HIBCH: variants seen among roughly 807,000 people sequenced by gnomAD.
HIBCH encodes 3-hydroxyisobutyryl-CoA hydrolase, mitochondrial.
A neutral mutation model predicts 58.2 loss-of-function variants in HIBCH; 50 were observed. The observed-to-expected ratio is 0.86, with a 90% CI of 0.68 to 1.09. The LOEUF (loss-of-function observed/expected upper bound fraction) is 1.09, where lower values mean the gene tolerates loss of function less well. Among genes scored for constraint, HIBCH ranks in the 50% least tolerant of loss-of-function variants. HIBCH has a pLI of 0.00. For missense variants in HIBCH, 450 were observed against 449.7 expected (o/e 1.00, Z -0.01); for synonymous variants, 151 against 146.9 (o/e 1.03, Z -0.20).
rs7583250 is a variant in HIBCH at position 190,216,151 on chromosome 2, T to C, written c.892-3076A>G. ...GAGGAGGTGAGAGGATGTGGAGAGA[T>C]TGGCAGGGCTGGGGGAAGGTTCTAG... On this transcript the variant is annotated intron_variant, in intron 11 of 13. Coordinates refer to ENST00000359678, the MANE Select transcript of HIBCH (RefSeq NM_014362.4). The surrounding 1 kb of genome is among the most constrained non-coding windows in gnomAD (Gnocchi z 4.2). 45,261 of 152,046 alleles carry C rather than the reference T, an allele frequency of 0.3. 7,527 individuals are homozygous for C. Among genetic ancestry groups the C allele is most frequent in the East Asian group, 0.47 (2,406 of 5,122 alleles). The allele number at this position is 152,046 out of a possible 1,614,324, so 9.4% of individuals were successfully genotyped here. A position where few individuals can be genotyped will look rare whatever the true frequency, so the allele number is the denominator to read the frequency against.
chr2:190,227,416 A>C (rs1559020978), intron 11 of HIBCH, among the ~76,000 whole-genome samples: 2 of 152,202 alleles, frequency 1.3e-5, no homozygotes, highest in East Asian at 3.8e-4. Flanking sequence ...TACAAAAATT[A>C]ATTCAAGATG....
chr2:190,269,461 A>G (rs1406107798), intron 6 of HIBCH, among the ~76,000 whole-genome samples: 3 of 9,290 alleles, frequency 3.2e-4, no homozygotes, highest in African/African-American at 8.6e-4. Context: ...CAGTCAACAA[A>G]CATATGAAAA....
intron 1 of HIBCH, among the ~76,000 whole-genome samples, chr2:190,194,982 G>A (rs544402327): frequency 6.6e-6 from 1 of 152,180 alleles, no homozygotes; most frequent in South Asian, 2.1e-4. Context: ...GGCTTCCTGA[G>A]TAGTTAAAAC....
rs532528580 is a variant in HIBCH, at chr2:190,286,593, A to G, written c.438+993T>C. On this transcript the variant is annotated intron_variant, in intron 6 of 13. Coordinates refer to ENST00000359678, the MANE Select transcript of HIBCH (RefSeq NM_014362.4). Reference sequence around the variant, plus strand: ...TTTCCTGCCATGAAGACCAATTCTGACCCCTCACTTCTTCAAAGGCTAATC... The same window carrying G: ...TTTCCTGCCATGAAGACCAATTCTGGCCCCTCACTTCTTCAAAGGCTAATC... Among the ~76,000 whole-genome samples the G allele has an allele frequency of 1.6e-3, 243 of 152,108 alleles. 3 individuals carry two copies. Among genetic ancestry groups the G allele is most frequent in the Middle Eastern group, 0.014 (4 of 294 alleles).
At chr2:190,224,140 C>T (rs904379051) in intron 11 of HIBCH, among the ~76,000 whole-genome samples, 2 of 152,184 alleles carry the variant, frequency 1.3e-5, no homozygotes, top group Non-Finnish European at 2.9e-5. Context: ...CCCATGCCCA[C>T]GGAGCCTCAC....
chr2:190,200,109 G>A (rs1486801797), downstream of HIBCH: 2 of 1,614,056 alleles, frequency 1.2e-6, no homozygotes, highest in East Asian at 2.2e-5. Context: ...ATAACATCAA[G>A]TACCATGACA....
intron 1 of HIBCH, among the ~76,000 whole-genome samples, chr2:190,194,192 T>C (rs939101712): frequency 2.0e-5 from 3 of 152,190 alleles, no homozygotes; most frequent in African/African-American, 7.2e-5. Context: ...ATGTTCCATA[T>C]GCACTTGATA....
chr2:190,247,305 T>A (rs986656906), intron 9 of HIBCH, among the ~76,000 whole-genome samples: 7 of 152,202 alleles, frequency 4.6e-5, no homozygotes, highest in South Asian at 2.1e-4. Flanking sequence ...CTAACTCCTA[T>A]ACATTTAGTA....
intron 7 of HIBCH, chr2:190,260,280 G>A (rs1401530073): frequency 1.3e-5 from 2 of 152,024 alleles, no homozygotes; most frequent in Non-Finnish European, 2.9e-5. Flanking sequence ...TCTTTAGACT[G>A]GTAACTAACA....
At chr2:190,224,055 C>T (rs992255395) in intron 11 of HIBCH, among the ~76,000 whole-genome samples, 3 of 152,224 alleles carry the variant, frequency 2.0e-5, no homozygotes, top group African/African-American at 7.2e-5. Flanking sequence ...CACTCCCACC[C>T]TAACACTGCA....
At chr2:190,232,624 G>C (rs1030520868) in intron 11 of HIBCH, among the ~76,000 whole-genome samples, 3 of 152,196 alleles carry the variant, frequency 2.0e-5, no homozygotes, top group Non-Finnish European at 4.4e-5. Context: ...CGTTGGTGCA[G>C]AAGCAATTGT....
intron 6 of HIBCH, among the ~76,000 whole-genome samples, chr2:190,272,278 T>C (rs891431877): frequency 6.6e-6 from 1 of 152,200 alleles, no homozygotes; most frequent in Non-Finnish European, 1.5e-5. Context: ...ATCTGGCACA[T>C]CTAGACATCC....
At chr2:190,235,705 G>A (rs192236696) in intron 11 of HIBCH, among the ~76,000 whole-genome samples, 53 of 152,096 alleles carry the variant, frequency 3.5e-4, no homozygotes, top group African/African-American at 1.2e-3. Context: ...CTAAGTATGT[G>A]GTATTCTCTC....
At position 190,296,884 on chromosome 2, in the gene HIBCH, T is replaced by C. The variant is rs774606935; in HGVS notation, c.148A>G (p.Thr50Ala). ...TTGAGGAACTTTGGTCTGTTTAGTG[T>C]TATGACTCCCGTGCAACCTTTTTTT... The part of the protein sequence containing the change: ...LEKKGCTGVI[T>A]LNRPKFLNAL... Residue 50 changes from threonine (T) to alanine (A), a missense_variant, in exon 3 of 14, where the codon ACA (threonine) becomes GCA (alanine). By Grantham distance (58) the Thr-to-Ala change is moderately conservative. Coordinates refer to ENST00000359678, the MANE Select transcript of HIBCH (RefSeq NM_014362.4). 3.1e-6 allele frequency: 5 copies of C among 1,613,962 alleles called. No individual in the cohort carries two copies. In the South Asian group the frequency reaches 3.3e-5, roughly 11 times the overall value.
chr2:190,222,245 A>G (rs1158065267), intron 11 of HIBCH, among the ~76,000 whole-genome samples: 1 of 152,150 alleles, frequency 6.6e-6, no homozygotes, highest in East Asian at 1.9e-4. Flanking sequence ...TGAGGGGTGG[A>G]AAGTAGCAGG....
Position 190,296,895 on chromosome 2 carries a change from G to A in HIBCH, c.137C>T (p.Thr46Met), listed in dbSNP as rs201255292. ...EEVLLEKKGC[T>M]GVITLNRPKF... is the part of the protein sequence containing the mutation. ...TGGTCTGTTTAGTGTTATGACTCCC[G>A]TGCAACCTTTTTTTTCCAATAGCAC... is the stretch of plus-strand genomic sequence containing the variant. The change falls in exon 3 of 14, where the codon ACG (threonine) becomes ATG (methionine). Residue 46 changes from threonine (T) to methionine (M), a missense_variant. Transcript: ENST00000359678. The A allele has an allele frequency of 3.3e-5, 54 of 1,613,548 alleles. No homozygotes were observed. Among genetic ancestry groups the A allele is most frequent in the Non-Finnish European group, 4.0e-5 (47 of 1,179,628 alleles).
intron 8 of HIBCH, among the ~76,000 whole-genome samples, 189 bp downstream of exon 8, chr2:190,251,973 A>G (rs1275614665): frequency 6.6e-6 from 1 of 152,084 alleles, no homozygotes; most frequent in Non-Finnish European, 1.5e-5. Flanking sequence ...TCCAGTTTGC[A>G]TATGAGGAAA....
intron 5 of HIBCH, among the ~76,000 whole-genome samples, chr2:190,289,427 T>A (rs1411221489): frequency 6.6e-6 from 1 of 152,198 alleles, no homozygotes; most frequent in Non-Finnish European, 1.5e-5. Context: ...TTTTAGTTCA[T>A]AAATATTTAG....
chr2:190,274,736 A>T (rs1687500531), intron 6 of HIBCH, among the ~76,000 whole-genome samples: 1 of 152,224 alleles, frequency 6.6e-6, no homozygotes, highest in Admixed American at 6.5e-5. Flanking sequence ...CAGCTTACAT[A>T]GCAACTTCAA....
Sources: gnomAD v4.1 joint callset for allele counts (sites outside exome capture counted in the v4.1 genomes callset) on GRCh38, gnomAD v4.1.1 for gene constraint, Gnocchi (gnomAD v3.1) non-coding constraint, MANE v1.5 for transcripts, NCBI Gene and HGNC (gene_info 2026-07-23, HGNC 2026-07-21) for gene names.